FAM135B: variants seen among roughly 807,000 people sequenced by gnomAD.
FAM135B encodes family with sequence similarity 135 member B.
In FAM135B, 43 loss-of-function variants were observed where a neutral mutation model predicts 127.7. That is an observed-to-expected ratio of 0.34 (90% CI 0.26 to 0.43). The LOEUF is 0.43. FAM135B is among the 20% of genes least tolerant of loss of function. The pLI is 1.00. For synonymous variants in FAM135B, 670 were observed against 665.1 expected (o/e 1.01, Z -0.11); for missense variants, 1,558 against 1,725.6 (o/e 0.90, Z 1.72).
intron 9 of FAM135B, among the ~76,000 whole-genome samples, chr8:138,183,721 G>A (rs1815296211): frequency 1.3e-5 from 2 of 152,144 alleles, no homozygotes; most frequent in South Asian, 4.1e-4. Context: ...TTGGACCAAG[G>A]GTGACGTGGA....
chr8:138,485,283 C>A (rs1347777085), intron 1 of FAM135B, among the ~76,000 whole-genome samples: 1 of 152,158 alleles, frequency 6.6e-6, no homozygotes, highest in East Asian at 1.9e-4. Flanking sequence ...ATCCCTAAGG[C>A]ATAACCATTT....
In FAM135B at chr8:138,141,494, C is replaced by T; in HGVS notation, c.3639-145G>A. On this transcript the variant is annotated intron_variant, in intron 16 of 19. Coordinates refer to ENST00000395297, the MANE Select transcript of FAM135B (RefSeq NM_015912.4). The surrounding 1 kb of genome is among the most constrained non-coding windows in gnomAD (Gnocchi z 4.7). ...GCAAAGAGAACAGGGACTGCCAACTCAACCTCATCAGGTTTCAAAACACTG... is the reference window on the plus strand; with the variant it reads ...GCAAAGAGAACAGGGACTGCCAACTTAACCTCATCAGGTTTCAAAACACTG... The T allele has an allele frequency of 3.8e-6, 3 of 797,436 alleles. No homozygotes were observed. The highest frequency in any genetic ancestry group is 6.1e-6 in the Non-Finnish European group (3 of 487,938). 49.4% of individuals were successfully genotyped at this position (797,436 alleles called of 1,614,324 possible).
At chr8:138,237,824 C>T (rs1026878656) in intron 7 of FAM135B, among the ~76,000 whole-genome samples, 5 of 152,280 alleles carry the variant, frequency 3.3e-5, no homozygotes, top group Middle Eastern at 3.4e-3. Context: ...ACTTGCCAGC[C>T]TCCACAAGTG....
chr8:138,235,329 GC>G (rs1277254894), intron 7 of FAM135B, among the ~76,000 whole-genome samples: 1 of 152,140 alleles, frequency 6.6e-6, no homozygotes, highest in East Asian at 1.9e-4. Context: ...CAAACCCCTT[GC>G]ACAGTGCCTG....
chr8:138,146,486 G>T (rs1475481465), intron 14 of FAM135B, among the ~76,000 whole-genome samples: 2 of 152,042 alleles, frequency 1.3e-5, no homozygotes, highest in Non-Finnish European at 2.9e-5. Flanking sequence ...CCTTTTCTAG[G>T]TAATCTGCAA....
At chr8:138,385,746 C>T (rs561531225) in intron 1 of FAM135B, among the ~76,000 whole-genome samples, 1 of 151,868 alleles carries the variant, frequency 6.6e-6, no homozygotes, top group East Asian at 2.0e-4. Flanking sequence ...CAGGAGACAG[C>T]AGTTGCAGTG....
rs1409367142 is a variant in FAM135B, at chr8:138,243,668, C to A, written c.543-600G>T. Among the ~76,000 whole-genome samples the A allele has an allele frequency of 6.6e-6, 1 of 152,172 alleles. No individual in the cohort carries two copies. The highest frequency in any genetic ancestry group is 2.4e-5 in the African/African-American group (1 of 41,432). ...GCTCTGCAATCCAAAGATTAATGGA[C>A]ATATTGTGATGGCAATGATCAATTT... On this transcript the variant is annotated intron_variant, in intron 6 of 19. Coordinates refer to ENST00000395297, the MANE Select transcript of FAM135B (RefSeq NM_015912.4). The surrounding 1 kb of genome is among the most constrained non-coding windows in gnomAD (Gnocchi z 7.5).
chr8:138,207,456 C>T (rs1230981657), intron 7 of FAM135B, among the ~76,000 whole-genome samples: 1 of 151,890 alleles, frequency 6.6e-6, no homozygotes, highest in Non-Finnish European at 1.5e-5. Context: ...ATGATCTGCC[C>T]ACCTTGGCCT....
At chr8:138,449,054 T>A (rs907056022) in intron 1 of FAM135B, among the ~76,000 whole-genome samples, 3 of 152,218 alleles carry the variant, frequency 2.0e-5, no homozygotes, top group East Asian at 3.9e-4. Context: ...TTATCTAATA[T>A]GTTTACTATA....
intron 1 of FAM135B, among the ~76,000 whole-genome samples, chr8:138,398,984 G>C (rs966494785): frequency 1.3e-5 from 2 of 152,282 alleles, no homozygotes; most frequent in Admixed American, 6.5e-5. Flanking sequence ...TTCTAGAACA[G>C]AGCTCATTCT....
rs1232291854 is a variant in FAM135B, at chr8:138,310,848, C to T, written c.150G>A (p.Gly50=). ...IPHRLSASIA[G]QTESSSLHSA... ...TGCCATTCTTCTGCTCACCTGTCTG[C>T]CCAGCGATGGAGGCACTCAGTCTGT... Residue 50 remains glycine (G), a synonymous_variant, in exon 3 of 20, where the codon GGG becomes GGA. Transcript: ENST00000395297. 1.9e-6 allele frequency: 3 copies of T among 1,613,814 alleles called. No homozygotes were observed. The highest frequency in any genetic ancestry group is 3.3e-5 in the Admixed American group (2 of 59,984).
chr8:138,381,204 T>C (rs954928972), intron 1 of FAM135B, among the ~76,000 whole-genome samples: 2 of 152,164 alleles, frequency 1.3e-5, no homozygotes, highest in East Asian at 1.9e-4. Context: ...TAGGCCCTTC[T>C]TCCCTCGCTG....
intron 1 of FAM135B, among the ~76,000 whole-genome samples, chr8:138,382,199 G>A (rs1444812725): frequency 6.6e-6 from 1 of 152,114 alleles, no homozygotes; most frequent in Non-Finnish European, 1.5e-5. Context: ...CCTCCTCCCA[G>A]CCAAAATGGA....
chr8:138,409,444 A>C (rs188333563), intron 1 of FAM135B, among the ~76,000 whole-genome samples: 1 of 152,336 alleles, frequency 6.6e-6, no homozygotes, highest in East Asian at 1.9e-4. Context: ...AATTGTGAGA[A>C]TCAGCAAAAT....
chr8:138,145,068 G>A (rs1817543189), intron 15 of FAM135B, among the ~76,000 whole-genome samples: 1 of 152,144 alleles, frequency 6.6e-6, no homozygotes, highest in Non-Finnish European at 1.5e-5. Flanking sequence ...AGGCTGGAGT[G>A]CAGTGGTGCA....
At chr8:138,303,471 A>G (rs896762262) in intron 3 of FAM135B, among the ~76,000 whole-genome samples, 1 of 152,178 alleles carries the variant, frequency 6.6e-6, no homozygotes, top group Non-Finnish European at 1.5e-5. Flanking sequence ...GCATTAGGAT[A>G]AATACCTAAT....
At chr8:138,197,465 A>C in intron 8 of FAM135B, 51 bp downstream of exon 8, 1 of 1,583,720 alleles carries the variant, frequency 6.3e-7, no homozygotes, top group Non-Finnish European at 8.6e-7. Flanking sequence ...CCTTGTGTGG[A>C]GGAGGCACAT....
At chr8:138,380,606 G>A (rs942614541) in intron 1 of FAM135B, among the ~76,000 whole-genome samples, 3 of 151,962 alleles carry the variant, frequency 2.0e-5, no homozygotes, top group Admixed American at 6.6e-5. Context: ...CCAGAAAAGG[G>A]AGTGGTTTGC....
intron 2 of FAM135B, among the ~76,000 whole-genome samples, chr8:138,328,374 T>C (rs1370223368): frequency 6.6e-6 from 1 of 152,134 alleles, no homozygotes; most frequent in African/African-American, 2.4e-5. Context: ...GGTTGCAATT[T>C]TTTGAAATTT....
Sources: allele counts gnomAD v4.1 joint callset (sites outside exome capture counted in the v4.1 genomes callset), GRCh38; gene constraint gnomAD v4.1.1; non-coding constraint Gnocchi (gnomAD v3.1); transcripts MANE v1.5; gene names NCBI Gene and HGNC (gene_info 2026-07-23, HGNC 2026-07-21).